RRP1B: variants seen among roughly 807,000 people sequenced by gnomAD.
RRP1B encodes ribosomal RNA processing protein 1 homolog B.
Under a neutral mutation model 80.2 loss-of-function variants are expected in RRP1B, and 56 were observed. That is an observed-to-expected ratio of 0.70 (90% confidence interval 0.56 to 0.87). The LOEUF is 0.87. Ranked by LOEUF, RRP1B falls within the 40% of genes least tolerant of loss-of-function variation. The pLI, the probability that RRP1B is intolerant of heterozygous loss-of-function variation, is 0.00. For missense variants in RRP1B, 807 were observed against 939.8 expected, an observed-to-expected ratio of 0.86 and a Z score of 1.85; for synonymous variants, 351 against 357.6, an observed-to-expected ratio of 0.98 and a Z score of 0.21.
chr21:43,661,701 ACCAATATTTTT>A (rs1568952907), intron 1 of RRP1B, among the ~76,000 whole-genome samples: 1 of 152,142 alleles, frequency 6.6e-6, no homozygotes, highest in African/African-American at 2.4e-5. Flanking sequence ...ATCCCACATC[ACCAATATTTTT>A]TGAAATTCAG....
chr21:43,671,367 CTT>C (rs1021875194), intron 2 of RRP1B, among the ~76,000 whole-genome samples: 12 of 128,742 alleles, frequency 9.3e-5, no homozygotes, highest in Admixed American at 1.6e-4. Flanking sequence ...ATGAAGTTTT[CTT>C]TTTTTTTTTT....
chr21:43,691,587 G>T lies in RRP1B; in HGVS notation c.2083+85G>T. ...GCTCGCAGCCTGGTTCCACAAGGCG[G>T]TCGGGGAAGAGGGGGGTCCTAGCTC... On this transcript the variant is annotated intron_variant, in intron 15 of 15. Coordinates refer to ENST00000340648, the MANE Select transcript of RRP1B (RefSeq NM_015056.3). The surrounding 1 kb of genome is among the most constrained non-coding windows in gnomAD (Gnocchi z 4.2). 2 of 1,224,986 alleles carry T rather than the reference G, an allele frequency of 1.6e-6. No homozygotes were observed. Among genetic ancestry groups the T allele is most frequent in the South Asian group, 2.4e-5 (2 of 81,996 alleles). The allele number at this position is 1,224,986 out of a possible 1,614,324, so 75.9% of individuals were successfully genotyped here. A position where few individuals can be genotyped will look rare whatever the true frequency, so the allele number is the denominator to read the frequency against.
intron 1 of RRP1B, among the ~76,000 whole-genome samples, chr21:43,668,711 C>T (rs2082988184): frequency 6.6e-6 from 1 of 152,096 alleles, no homozygotes; most frequent in Non-Finnish European, 1.5e-5. Flanking sequence ...ATTAAGATCA[C>T]ATTGATTCTA....
intron 7 of RRP1B, among the ~76,000 whole-genome samples, 157 bp from the exon 8 acceptor site, chr21:43,676,576 G>A (rs922466772): frequency 6.6e-6 from 1 of 152,236 alleles, no homozygotes; most frequent in Admixed American, 6.5e-5. Flanking sequence ...CGTGCCTGTC[G>A]GGTGGCACTT....
Position 43,694,468 on chromosome 21 carries a change from A to G in RRP1B, c.*1085A>G, listed in dbSNP as rs1003757868. ...GCTGGATCATTGATCTGTTTGAGGAAGTGTCTGACCTGGGCCTGAGAGCTG... is the reference window on the plus strand; with the variant it reads ...GCTGGATCATTGATCTGTTTGAGGAGGTGTCTGACCTGGGCCTGAGAGCTG... On this transcript the variant is annotated 3_prime_UTR_variant, in exon 16 of 16. Transcript: ENST00000340648. 1 of 152,282 alleles carries G rather than the reference A, an allele frequency of 6.6e-6. No homozygotes were observed. Among genetic ancestry groups the G allele is most frequent in the Non-Finnish European group, 1.5e-5 (1 of 68,064 alleles). 9.4% of individuals were successfully genotyped at this position (152,282 alleles called of 1,614,324 possible).
chr21:43,668,156 C>T (rs1176438791), intron 1 of RRP1B, among the ~76,000 whole-genome samples: 1 of 151,346 alleles, frequency 6.6e-6, no homozygotes, highest in African/African-American at 2.4e-5. Context: ...TTGCAGTGAG[C>T]CTAGATTGTG....
Position 43,659,682 on chromosome 21 carries a change from G to A in RRP1B, c.18G>A (p.Gln6=), listed in dbSNP as rs370713488. The A allele has an allele frequency of 2.7e-4, 405 of 1,518,500 alleles. 1 individual carries two copies. The highest frequency in any genetic ancestry group is 2.1e-3 in the Middle Eastern group (12 of 5,712). The allele number at this position is 1,518,500 out of a possible 1,614,324, so 94.1% of individuals were successfully genotyped here. A position where few individuals can be genotyped will look rare whatever the true frequency, so the allele number is the denominator to read the frequency against. ...CGGGCGCGATGGCCCCCGCCATGCA[G>A]CCGGCCGAGATCCAATTTGCCCAGC... MAPAM[Q]PAEIQFAQRL... The change falls in exon 1 of 16, where the codon CAG becomes CAA. Residue 6 remains glutamine (Q), a synonymous_variant. Coordinates refer to ENST00000340648, the MANE Select transcript of RRP1B (RefSeq NM_015056.3). The surrounding 1 kb of genome is among the most constrained non-coding windows in gnomAD (Gnocchi z 4.2).
intron 8 of RRP1B, among the ~76,000 whole-genome samples, chr21:43,683,008 G>T (rs2083049661): frequency 6.6e-6 from 1 of 152,110 alleles, no homozygotes; most frequent in Non-Finnish European, 1.5e-5. Context: ...AAGTAGCTGG[G>T]ATTACAGGCA....
intron 1 of RRP1B, among the ~76,000 whole-genome samples, chr21:43,665,015 C>G (rs1190559945): frequency 6.6e-6 from 1 of 152,156 alleles, no homozygotes; most frequent in African/African-American, 2.4e-5. Context: ...TATTACTCAC[C>G]CAGCCCACTT....
chr21:43,685,075 CAT>C (rs1439143901), intron 10 of RRP1B, among the ~76,000 whole-genome samples: 1 of 152,104 alleles, frequency 6.6e-6, no homozygotes, highest in Non-Finnish European at 1.5e-5. Context: ...TCACTCTGAC[CAT>C]AGTGACATGA....
intron 8 of RRP1B, 22 bp downstream of exon 8, chr21:43,676,936 G>GTGTAGCTTTA (rs2083025238): frequency 3.7e-6 from 6 of 1,605,164 alleles, no homozygotes; most frequent in Non-Finnish European, 5.1e-6. Context: ...TTCTTGGTCA[G>GTGTAGCTTTA]TGTAGCTTTC....
rs2083086895 is a variant in RRP1B at position 43,691,636 on chromosome 21, T to A, written c.2083+134T>A. 8.5e-6 allele frequency: 4 copies of A among 469,566 alleles called. No homozygotes were observed. Among genetic ancestry groups the A allele is most frequent in the Non-Finnish European group, 1.4e-5 (4 of 280,276 alleles). 29.1% of individuals were successfully genotyped at this position (469,566 alleles called of 1,614,324 possible). A position where few individuals can be genotyped will look rare whatever the true frequency, so the allele number is the denominator to read the frequency against. On this transcript the variant is annotated intron_variant, in intron 15 of 15. Transcript: ENST00000340648. This position sits in a 1 kb window ranked among gnomAD's most constrained non-coding sequence, Gnocchi z 4.2. ...TCCTCACTGCCCATTTCTTTATTTTTATTTTTTTTTTTTTTTTGAGACAGA... is the reference window on the plus strand; with the variant it reads ...TCCTCACTGCCCATTTCTTTATTTTAATTTTTTTTTTTTTTTTGAGACAGA...
intron 1 of RRP1B, among the ~76,000 whole-genome samples, chr21:43,664,650 G>T (rs1160341108): frequency 6.6e-6 from 1 of 152,186 alleles, no homozygotes; most frequent in Non-Finnish European, 1.5e-5. Context: ...TTTTCTCATT[G>T]TATTAGCCTG....
intron 1 of RRP1B, among the ~76,000 whole-genome samples, chr21:43,664,378 A>G (rs2082970220): frequency 6.6e-6 from 1 of 152,068 alleles, no homozygotes; most frequent in African/African-American, 2.4e-5. Context: ...TGTAAAATGT[A>G]TTCCTAGGAA....
chr21:43,691,508 T>C lies in RRP1B; in HGVS notation c.2083+6T>C, dbSNP rs745667863. On this transcript the variant is annotated splice_donor_region_variant and intron_variant, in intron 15 of 15. Transcript: ENST00000340648. The surrounding 1 kb of genome is among the most constrained non-coding windows in gnomAD (Gnocchi z 4.2). ...GAACAGAAACATGACTGCCGGTAAGTGGGGTTTTGCCAGCGGCAAGCTTCT... is the reference window on the plus strand; with the variant it reads ...GAACAGAAACATGACTGCCGGTAAGCGGGGTTTTGCCAGCGGCAAGCTTCT... 5.6e-6 allele frequency: 9 copies of C among 1,613,626 alleles called. No homozygotes were observed. In the African/African-American group the frequency reaches 6.7e-5, roughly 12 times the overall value.
rs1343980342 is a variant in RRP1B at position 43,691,495 on chromosome 21, G to A, written c.2076G>A (p.Met692Ile). The A allele has an allele frequency of 3.7e-6, 6 of 1,613,934 alleles. No homozygotes were observed. Residue 692 changes from methionine (M) to isoleucine (I), a missense_variant, in exon 15 of 16, where the codon ATG (methionine) becomes ATA (isoleucine). By Grantham distance (10) the Met-to-Ile change is conservative. Transcript: ENST00000340648. This position sits in a 1 kb window ranked among gnomAD's most constrained non-coding sequence, Gnocchi z 4.2. Reference sequence around the variant, plus strand: ...TCACCTTTGGGCTGAACAGAAACATGACTGCCGGTAAGTGGGGTTTTGCCA... The same window carrying A: ...TCACCTTTGGGCTGAACAGAAACATAACTGCCGGTAAGTGGGGTTTTGCCA... ...KKVTFGLNRN[M>I]TAEFKKTDKS...
chr21:43,674,888 G>A (rs1253324781), intron 5 of RRP1B, 146 bp from the exon 6 acceptor site: 3 of 1,189,386 alleles, frequency 2.5e-6, no homozygotes, highest in Non-Finnish European at 3.6e-6. Flanking sequence ...TGATTTAAGT[G>A]ATTGCTTTTT....
intron 8 of RRP1B, among the ~76,000 whole-genome samples, chr21:43,682,314 C>T (rs548463723): frequency 2.0e-5 from 3 of 152,258 alleles, no homozygotes; most frequent in African/African-American, 4.8e-5. Flanking sequence ...ACGTGTGCTG[C>T]GCCTGCCCCA....
At chr21:43,661,791 C>T (rs1185185126) in intron 1 of RRP1B, among the ~76,000 whole-genome samples, 2 of 152,162 alleles carry the variant, frequency 1.3e-5, no homozygotes, top group Non-Finnish European at 2.9e-5. Flanking sequence ...CTTCATGTTC[C>T]GTCAACAGAA....
Sources: gnomAD v4.1 joint callset for allele counts (sites outside exome capture counted in the v4.1 genomes callset) on GRCh38, gnomAD v4.1.1 for gene constraint, Gnocchi (gnomAD v3.1) non-coding constraint, MANE v1.5 for transcripts, NCBI Gene and HGNC (gene_info 2026-07-23, HGNC 2026-07-21) for gene names.